Variants in CWF19L2 observed in about 807,000 individuals in gnomAD.
The protein encoded by CWF19L2 is CWF19 like cell cycle control factor 2, also known as CWF19-like protein 2.
A neutral mutation model predicts 111.7 loss-of-function variants in CWF19L2; 98 were observed. That is an observed-to-expected ratio of 0.88 (90% CI 0.75 to 1.04). CWF19L2 has a LOEUF of 1.04. CWF19L2 is among the 50% of genes least tolerant of loss of function. The pLI is 0.00. For missense variants in CWF19L2, 1,101 were observed against 1,051.4 expected (o/e 1.05, Z -0.65); for synonymous variants, 351 against 342.9 (o/e 1.02, Z -0.26).
At chr11:107,340,897 G>C (rs1308883341) in intron 14 of CWF19L2, among the ~76,000 whole-genome samples, 1 of 152,074 alleles carries the variant, frequency 6.6e-6, no homozygotes, top group Non-Finnish European at 1.5e-5. Flanking sequence ...ATATGGACAC[G>C]TTTTGTTAGA....
At chr11:107,429,499 C>G in intron 7 of CWF19L2, 48 bp from the exon 8 acceptor site, 3 of 1,404,072 alleles carry the variant, frequency 2.1e-6, no homozygotes, top group Non-Finnish European at 2.9e-6. Context: ...AGGAACGGCT[C>G]AGTGACTTGC....
chr11:107,380,632 T>A (rs1860671266), intron 12 of CWF19L2, among the ~76,000 whole-genome samples: 1 of 152,202 alleles, frequency 6.6e-6, no homozygotes, highest in South Asian at 2.1e-4. Context: ...AGTGGGAGTG[T>A]AAAATTGTTC....
chr11:107,382,893 A>C (rs948075531), intron 12 of CWF19L2, among the ~76,000 whole-genome samples: 1 of 152,184 alleles, frequency 6.6e-6, no homozygotes, highest in South Asian at 2.1e-4. Flanking sequence ...GTCACACCCT[A>C]TGCAATGGGG....
chr11:107,444,096 C>CTTT (rs35888473), intron 3 of CWF19L2, among the ~76,000 whole-genome samples: 1 of 142,164 alleles, frequency 7.0e-6, no homozygotes, highest in Non-Finnish European at 1.5e-5. Flanking sequence ...ATTTCCCACC[C>CTTT]TTTTTTTTTT....
chr11:107,356,548 T>C lies in CWF19L2; in HGVS notation c.1873-2812A>G, dbSNP rs1860239615. 2.0e-5 allele frequency among the ~76,000 whole-genome samples: 3 copies of C among 152,354 alleles called. No homozygotes were observed. The South Asian group carries it at 6.2e-4, about 32-fold the overall frequency. On this transcript the variant is annotated intron_variant, in intron 12 of 17. Transcript: ENST00000282251. ...GGTTTGTCTATTTATGTAAACTGCA[T>C]TGCCTTACAAATTATTATTTTAAAT... is the stretch of plus-strand genomic sequence containing the variant.
At chr11:107,399,311 TGCCACCTTCAG>T (rs1426062370) in intron 10 of CWF19L2, among the ~76,000 whole-genome samples, 3 of 152,154 alleles carry the variant, frequency 2.0e-5, no homozygotes, top group African/African-American at 7.2e-5. Flanking sequence ...ACCAACTATG[TGCCACCTTCAG>T]GAAACTCACC....
At chr11:107,444,175 C>T (rs1331408678) in intron 3 of CWF19L2, among the ~76,000 whole-genome samples, 1 of 151,638 alleles carries the variant, frequency 6.6e-6, no homozygotes, top group Non-Finnish European at 1.5e-5. Context: ...ATTAATCTTC[C>T]GGCTTCCATT....
chr11:107,337,996 G>A (rs571925555), intron 14 of CWF19L2, among the ~76,000 whole-genome samples: 2 of 152,186 alleles, frequency 1.3e-5, no homozygotes, highest in African/African-American at 4.8e-5. Flanking sequence ...CATTGATATA[G>A]TCAACACTGA....
chr11:107,456,495 A>G (rs1161875152), intron 1 of CWF19L2, among the ~76,000 whole-genome samples: 2 of 152,090 alleles, frequency 1.3e-5, no homozygotes, highest in African/African-American at 2.4e-5. Context: ...TGAAATTACG[A>G]AACAATACCA....
At chr11:107,364,530 C>T (rs1591165265) in intron 12 of CWF19L2, among the ~76,000 whole-genome samples, 2 of 144,496 alleles carry the variant, frequency 1.4e-5, no homozygotes, top group Non-Finnish European at 1.5e-5. Flanking sequence ...CACTCAAAAC[C>T]GCTCAACTAC....
intron 14 of CWF19L2, among the ~76,000 whole-genome samples, chr11:107,346,200 T>G (rs973245826): frequency 6.6e-6 from 1 of 152,212 alleles, no homozygotes; most frequent in Admixed American, 6.5e-5. Flanking sequence ...GGACTGATTT[T>G]GGAATATTAA....
At chr11:107,406,760 A>C (rs911293516) in intron 10 of CWF19L2, among the ~76,000 whole-genome samples, 2 of 151,368 alleles carry the variant, frequency 1.3e-5, no homozygotes, top group Non-Finnish European at 2.9e-5. Flanking sequence ...TTTTTAAAAA[A>C]TCATTTCTAT....
chr11:107,445,952 CAAGTT>C (rs1565288847), intron 3 of CWF19L2, among the ~76,000 whole-genome samples: 1 of 151,852 alleles, frequency 6.6e-6, no homozygotes, highest in Admixed American at 6.6e-5. Flanking sequence ...TTCTGGAAGT[CAAGTT>C]AAGAAAAAAA....
intron 12 of CWF19L2, among the ~76,000 whole-genome samples, chr11:107,357,918 G>A (rs1860262450): frequency 6.6e-6 from 1 of 152,138 alleles, no homozygotes; most frequent in Admixed American, 6.5e-5. Context: ...GATGAAAGGA[G>A]ATAAAGAAAA....
intron 6 of CWF19L2, among the ~76,000 whole-genome samples, chr11:107,438,326 C>G (rs140050639): frequency 6.6e-6 from 1 of 152,068 alleles, no homozygotes; most frequent in African/African-American, 2.4e-5. Context: ...AGTATGCTTA[C>G]GTGACATTTA....
intron 16 of CWF19L2, among the ~76,000 whole-genome samples, chr11:107,330,563 A>G (rs1420378000): frequency 1.3e-5 from 2 of 151,286 alleles, no homozygotes; most frequent in African/African-American, 4.9e-5. Context: ...CCAGGATTAA[A>G]TCCCTACTGT....
chr11:107,420,694 T>C (rs1157191092), intron 8 of CWF19L2, among the ~76,000 whole-genome samples: 2 of 152,196 alleles, frequency 1.3e-5, no homozygotes, highest in East Asian at 3.9e-4. Flanking sequence ...ATGTTAAAGT[T>C]TGACTTATAA....
chr11:107,354,634 G>A (rs1333403637), intron 12 of CWF19L2, among the ~76,000 whole-genome samples: 1 of 152,058 alleles, frequency 6.6e-6, no homozygotes, highest in Non-Finnish European at 1.5e-5. Flanking sequence ...TAAGGTAACT[G>A]TATATAATAT....
chr11:107,455,919 C>T, intron 1 of CWF19L2, 143 bp from the exon 2 acceptor site: 1 of 561,858 alleles, frequency 1.8e-6, no homozygotes. Context: ...GGATTTGCTT[C>T]TCCAGTGTAA....
Sources: allele counts gnomAD v4.1 joint callset (sites outside exome capture counted in the v4.1 genomes callset), GRCh38; gene constraint gnomAD v4.1.1; transcripts MANE v1.5; gene names NCBI Gene and HGNC (gene_info 2026-07-23, HGNC 2026-07-21).